CSMD2: variants seen among roughly 807,000 people sequenced by gnomAD.
CSMD2 encodes the protein CUB and Sushi multiple domains 2.
CSMD2 carries 130 observed loss-of-function variants against 398.5 expected under a neutral mutation model. The observed-to-expected ratio is 0.33, with a 90% CI of 0.28 to 0.38. The LOEUF (loss-of-function observed/expected upper bound fraction) is 0.38, where lower values mean the gene tolerates loss of function less well. CSMD2 is among the 10% of genes least tolerant of loss of function. The pLI is 1.00. For missense variants in CSMD2, 3,829 were observed against 4,764.9 expected (o/e 0.80, Z 5.78); for synonymous variants, 1,828 against 1,908.5 (o/e 0.96, Z 1.10).
chr1:33,678,227 G>A (rs1644784966), intron 25 of CSMD2, among the ~76,000 whole-genome samples: 1 of 151,038 alleles, frequency 6.6e-6, no homozygotes, highest in Non-Finnish European at 1.5e-5. Context: ...GCTTACTGAG[G>A]CCCTCACCAA....
intron 5 of CSMD2, among the ~76,000 whole-genome samples, chr1:33,912,628 C>G (rs1406991220): frequency 2.0e-5 from 3 of 151,974 alleles, no homozygotes; most frequent in African/African-American, 7.2e-5. Flanking sequence ...CAGAGATGCC[C>G]CTCCCATCTC....
chr1:33,814,630 T>C (rs1440492608), intron 9 of CSMD2, among the ~76,000 whole-genome samples: 2 of 152,204 alleles, frequency 1.3e-5, no homozygotes, highest in Non-Finnish European at 2.9e-5. Flanking sequence ...AATGGAGAGA[T>C]GTCCCTTGTT....
intron 25 of CSMD2, among the ~76,000 whole-genome samples, chr1:33,672,108 T>A (rs1242931887): frequency 2.6e-5 from 4 of 151,992 alleles, no homozygotes; most frequent in African/African-American, 7.2e-5. Flanking sequence ...ACCGGGTTCA[T>A]CTCACTGGGG....
At chr1:34,140,195 GC>G (rs1639137829) in intron 1 of CSMD2, among the ~76,000 whole-genome samples, 2 of 152,048 alleles carry the variant, frequency 1.3e-5, no homozygotes, top group Admixed American at 1.3e-4. Flanking sequence ...GATTTAGACT[GC>G]GGGGGCAGGG....
chr1:33,604,806 C>T (rs1051135774), intron 42 of CSMD2, among the ~76,000 whole-genome samples: 17 of 103,946 alleles, frequency 1.6e-4, no homozygotes, highest in African/African-American at 5.2e-4. Flanking sequence ...TCTCTCCAGC[C>T]CTGTGTAGAA....
At chr1:33,557,963 T>G in intron 54 of CSMD2, 41 bp from the exon 55 acceptor site, 3 of 1,504,486 alleles carry the variant, frequency 2.0e-6, no homozygotes, top group Non-Finnish European at 2.7e-6. Flanking sequence ...GGATTCCCAG[T>G]ATAGTAAAAT....
rs1557470885 is a variant in CSMD2 at position 33,519,261 on chromosome 1, T to A, written c.*53+204A>T. Among the ~76,000 whole-genome samples, 2 of 152,164 alleles carry A rather than the reference T, an allele frequency of 1.3e-5. No individual in the cohort carries two copies. On this transcript the variant is annotated intron_variant, in intron 70 of 70. Coordinates refer to ENST00000373381, the MANE Select transcript of CSMD2 (RefSeq NM_001281956.2). The surrounding 1 kb of genome is among the most constrained non-coding windows in gnomAD (Gnocchi z 5.6). The stretch of plus-strand genomic sequence containing the variant: ...AATGGGGCTCCCACAAGCTTCTACC[T>A]CACAGGGCGTGCAGGGATTCAATAT...
At chr1:34,044,624 C>T (rs1446820065) in intron 2 of CSMD2, among the ~76,000 whole-genome samples, 1 of 152,174 alleles carries the variant, frequency 6.6e-6, no homozygotes, top group African/African-American at 2.4e-5. Context: ...TGGTTCTGTG[C>T]TGCCCCGAGA....
intron 49 of CSMD2, among the ~76,000 whole-genome samples, chr1:33,577,017 T>C (rs1557563524): frequency 6.6e-6 from 1 of 152,172 alleles, no homozygotes; most frequent in East Asian, 1.9e-4. Context: ...AGGAAGCAGA[T>C]CCTTTCTCAC....
chr1:33,575,806 T>C (rs541203284), intron 49 of CSMD2, among the ~76,000 whole-genome samples: 9 of 152,326 alleles, frequency 5.9e-5, no homozygotes, highest in African/African-American at 2.2e-4. Flanking sequence ...GAGTAGATTA[T>C]TAATAGCACA....
At chr1:33,662,615 A>G (rs1644172894) in intron 26 of CSMD2, among the ~76,000 whole-genome samples, 1 of 152,124 alleles carries the variant, frequency 6.6e-6, no homozygotes, top group South Asian at 2.1e-4. Flanking sequence ...TTTCTGGAAC[A>G]TCTTCCTTGA....
chr1:33,724,831 T>C (rs1646475475), intron 17 of CSMD2, 127 bp from the exon 18 acceptor site: 13 of 845,942 alleles, frequency 1.5e-5, no homozygotes, highest in Middle Eastern at 2.8e-4. Context: ...TACTGACTCA[T>C]GAAATGTGGC....
chr1:33,934,446 G>T, intron 4 of CSMD2, among the ~76,000 whole-genome samples: 1 of 152,232 alleles, frequency 6.6e-6, no homozygotes, highest in East Asian at 1.9e-4. Flanking sequence ...GAGGGACAAG[G>T]CTGGATGGAG....
At chr1:33,675,808 G>A (rs1410464306) in intron 25 of CSMD2, among the ~76,000 whole-genome samples, 3 of 152,126 alleles carry the variant, frequency 2.0e-5, no homozygotes, top group African/African-American at 4.8e-5. Context: ...TTCAACATAC[G>A]CAAATCAATA....
At chr1:34,108,272 T>TGA (rs71774843) in intron 1 of CSMD2, among the ~76,000 whole-genome samples, 1 of 151,174 alleles carries the variant, frequency 6.6e-6, no homozygotes, top group African/African-American at 2.4e-5. Context: ...AAAACCCTAA[T>TGA]GAGAGAGAGA....
At chr1:33,699,965 A>G (rs6697837) in intron 23 of CSMD2, among the ~76,000 whole-genome samples, 7,164 of 151,872 alleles carry the variant, frequency 0.047, 462 homozygotes, top group African/African-American at 0.14. Context: ...ACTTACTGCA[A>G]TCTTTTCAAG....
intron 2 of CSMD2, among the ~76,000 whole-genome samples, chr1:34,055,587 A>T (rs995449750): frequency 5.3e-5 from 8 of 152,192 alleles, no homozygotes; most frequent in African/African-American, 1.9e-4. Flanking sequence ...GGTTTATTAT[A>T]AAGAATATTA....
chr1:34,003,146 C>T (rs72882615), intron 3 of CSMD2, among the ~76,000 whole-genome samples: 6,941 of 152,258 alleles, frequency 0.046, 195 homozygotes, highest in Middle Eastern at 0.13. Flanking sequence ...TCTCCAACTC[C>T]CATTCCCCTC....
intron 1 of CSMD2, among the ~76,000 whole-genome samples, chr1:34,145,032 T>C (rs1163266298): frequency 6.6e-6 from 1 of 152,278 alleles, no homozygotes; most frequent in East Asian, 1.9e-4. Context: ...GGCTTGCCAA[T>C]TAAGGGATGG....
Sources: gnomAD v4.1 joint callset for allele counts (sites outside exome capture counted in the v4.1 genomes callset) on GRCh38, gnomAD v4.1.1 for gene constraint, Gnocchi (gnomAD v3.1) non-coding constraint, MANE v1.5 for transcripts, NCBI Gene and HGNC (gene_info 2026-07-23, HGNC 2026-07-21) for gene names.